Variants in ZFAND6 observed in about 807,000 individuals in gnomAD.
The protein encoded by ZFAND6 is zinc finger AN1-type containing 6.
A neutral mutation model predicts 24.5 loss-of-function variants in ZFAND6; 12 were observed. The observed-to-expected ratio is 0.49, with a 90% CI of 0.31 to 0.79. ZFAND6 has a LOEUF of 0.79. ZFAND6 is among the 30% of genes least tolerant of loss of function. The pLI, the probability that ZFAND6 is intolerant of heterozygous loss-of-function variation, is 0.04. For missense variants in ZFAND6, 207 were observed against 245.9 expected (o/e 0.84, Z 1.06); for synonymous variants, 92 against 81.5 (o/e 1.13, Z -0.69).
chr15:80,106,590 T>TTG (rs2141964512), intron 2 of ZFAND6, among the ~76,000 whole-genome samples: 1 of 152,166 alleles, frequency 6.6e-6, no homozygotes, highest in Admixed American at 6.5e-5. Context: ...AATTTGTTTT[T>TTG]TTTTTTTTTG....
At chr15:80,115,842 T>G (rs540960486) in intron 2 of ZFAND6, among the ~76,000 whole-genome samples, 64 of 152,318 alleles carry the variant, frequency 4.2e-4, no homozygotes, top group African/African-American at 1.4e-3. Flanking sequence ...TTGAAGTAAT[T>G]GTAATGAAAA....
intron 1 of ZFAND6, among the ~76,000 whole-genome samples, chr15:80,089,259 GTTTTTTTTTTTTT>G (rs71453501): frequency 9.3e-4 from 57 of 61,112 alleles, no homozygotes; most frequent in Non-Finnish European, 1.3e-3. Flanking sequence ...GAGTGTGTGT[GTTTTTTTTTTTTT>G]TTTTTTTTTT....
At chr15:80,063,331 T>C (rs1312216646) in intron 1 of ZFAND6, among the ~76,000 whole-genome samples, 1 of 152,198 alleles carries the variant, frequency 6.6e-6, no homozygotes, top group Non-Finnish European at 1.5e-5. Context: ...TTAGACTGTC[T>C]TTATAATTTG....
At chr15:80,079,798 C>G (rs2037539308) in intron 1 of ZFAND6, among the ~76,000 whole-genome samples, 1 of 150,922 alleles carries the variant, frequency 6.6e-6, no homozygotes, top group Admixed American at 6.6e-5. Context: ...CTACAGGCGC[C>G]CGCCACCACG....
chr15:80,066,319 TAA>T (rs57890328), intron 1 of ZFAND6, among the ~76,000 whole-genome samples: 7 of 130,496 alleles, frequency 5.4e-5, no homozygotes, highest in South Asian at 2.5e-4. Flanking sequence ...TATCGAAACA[TAA>T]AAAAAAAAAA....
intron 1 of ZFAND6, among the ~76,000 whole-genome samples, chr15:80,071,240 C>G (rs951511770): frequency 2.6e-4 from 40 of 152,126 alleles, no homozygotes; most frequent in Non-Finnish European, 5.9e-4. Flanking sequence ...AAAATAGTTG[C>G]AAGATTTTGA....
At chr15:80,112,908 C>G in intron 2 of ZFAND6, 3 of 455,444 alleles carry the variant, frequency 6.6e-6, no homozygotes, top group Non-Finnish European at 8.8e-6. Context: ...ACCACAAATC[C>G]TATTTTGCAC....
At chr15:80,084,106 A>T (rs2037846825) in intron 1 of ZFAND6, among the ~76,000 whole-genome samples, 1 of 152,204 alleles carries the variant, frequency 6.6e-6, no homozygotes, top group Non-Finnish European at 1.5e-5. Flanking sequence ...TTGTCTCAGT[A>T]TTATAGCACT....
intron 1 of ZFAND6, among the ~76,000 whole-genome samples, chr15:80,085,212 C>G (rs1330174257): frequency 6.6e-6 from 1 of 152,120 alleles, no homozygotes; most frequent in Non-Finnish European, 1.5e-5. Flanking sequence ...TTTTTCTTTT[C>G]TCCATCGTTC....
chr15:80,091,272 G>A lies in ZFAND6; in HGVS notation c.-180-7144G>A, dbSNP rs57134502. Among the ~76,000 whole-genome samples, 3,095 of 152,144 alleles carry A rather than the reference G, an allele frequency of 0.02. 228 individuals are homozygous for A. In the East Asian group the frequency reaches 0.22, roughly 11 times the overall value. On this transcript the variant is annotated intron_variant, in intron 1 of 6. Coordinates refer to ENST00000261749, the MANE Select transcript of ZFAND6 (RefSeq NM_019006.4). ...GTGAGAAGGAAGGAGGAGGATGTAC[G>A]TGAAAATCTAGAGGTGTTATTGAGA...
At chr15:80,093,220 C>T (rs1341167620) in intron 1 of ZFAND6, among the ~76,000 whole-genome samples, 1 of 151,852 alleles carries the variant, frequency 6.6e-6, no homozygotes, top group Non-Finnish European at 1.5e-5. Flanking sequence ...CTGCCTCGGC[C>T]TCCCAAAGTA....
chr15:80,084,751 C>T (rs1370033266), intron 1 of ZFAND6, among the ~76,000 whole-genome samples: 1 of 152,114 alleles, frequency 6.6e-6, no homozygotes, highest in Non-Finnish European at 1.5e-5. Flanking sequence ...TTTTACTAAC[C>T]TGCAGATTTG....
chr15:80,097,850 T>A (rs1388396170), intron 1 of ZFAND6, among the ~76,000 whole-genome samples: 6 of 152,086 alleles, frequency 3.9e-5, no homozygotes, highest in Non-Finnish European at 4.4e-5. Context: ...TTTTTTTTTT[T>A]ATGGGAACAA....
intron 1 of ZFAND6, among the ~76,000 whole-genome samples, chr15:80,096,518 T>A (rs2038731705): frequency 6.6e-6 from 1 of 152,224 alleles, no homozygotes; most frequent in African/African-American, 2.4e-5. Context: ...TAGAGAAACA[T>A]TTGAGTTACT....
At chr15:80,080,242 C>T (rs1279406020) in intron 1 of ZFAND6, among the ~76,000 whole-genome samples, 1 of 152,110 alleles carries the variant, frequency 6.6e-6, no homozygotes, top group Non-Finnish European at 1.5e-5. Context: ...GGTGATCCAC[C>T]CACTTCGGCC....
intron 3 of ZFAND6, 51 bp downstream of exon 3, chr15:80,120,549 G>A: frequency 7.2e-7 from 1 of 1,394,326 alleles, no homozygotes; most frequent in Non-Finnish European, 9.5e-7. Flanking sequence ...AATACAAGTG[G>A]ATATTTCGGT....
rs537360957 is a variant in ZFAND6 at position 80,107,878 on chromosome 15, G to T, written c.-18+9300G>T. Among the ~76,000 whole-genome samples the T allele has an allele frequency of 4.0e-5, 6 of 150,798 alleles. No homozygotes were observed. In the South Asian group the frequency reaches 1.1e-3, roughly 27 times the overall value. On this transcript the variant is annotated intron_variant, in intron 2 of 6. Coordinates refer to ENST00000261749, the MANE Select transcript of ZFAND6 (RefSeq NM_019006.4). Reference sequence around the variant, plus strand: ...GGGAGAAGATGGGGTTGGGAGGGCAGCGGGGAGGGGGAAGGACCTCTGAAA... The same window carrying T: ...GGGAGAAGATGGGGTTGGGAGGGCATCGGGGAGGGGGAAGGACCTCTGAAA...
chr15:80,101,791 GTTTTT>G (rs750632508), intron 2 of ZFAND6, among the ~76,000 whole-genome samples: 2 of 123,106 alleles, frequency 1.6e-5, no homozygotes, highest in Admixed American at 8.6e-5. Flanking sequence ...TATGTAAAGT[GTTTTT>G]TTTTTTTTTT....
At chr15:80,104,002 C>T (rs2039175712) in intron 2 of ZFAND6, among the ~76,000 whole-genome samples, 1 of 152,126 alleles carries the variant, frequency 6.6e-6, no homozygotes, top group Non-Finnish European at 1.5e-5. Context: ...CTGTGCACCA[C>T]CACACCCAGA....
Sources: gnomAD v4.1 joint callset for allele counts (sites outside exome capture counted in the v4.1 genomes callset) on GRCh38, gnomAD v4.1.1 for gene constraint, MANE v1.5 for transcripts, NCBI Gene and HGNC (gene_info 2026-07-23, HGNC 2026-07-21) for gene names.